BABAM2: variants seen among roughly 807,000 people sequenced by gnomAD.
BABAM2 encodes the protein BRISC and BRCA1 A complex member 2.
Under a neutral mutation model 54.7 loss-of-function variants are expected in BABAM2, and 31 were observed. That is an observed-to-expected ratio of 0.57 (90% confidence interval 0.43 to 0.77). The LOEUF (loss-of-function observed/expected upper bound fraction) is 0.77, where lower values mean the gene tolerates loss of function less well. Ranked by LOEUF, BABAM2 falls within the 30% of genes least tolerant of loss-of-function variation. The pLI is 0.00. For synonymous variants in BABAM2, 167 were observed against 162.9 expected, an observed-to-expected ratio of 1.03 and a Z score of -0.19; for missense variants, 364 against 455.8, an observed-to-expected ratio of 0.80 and a Z score of 1.83.
chr2:28,266,315 G>A (rs1684985929), intron 10 of BABAM2, among the ~76,000 whole-genome samples: 1 of 152,178 alleles, frequency 6.6e-6, no homozygotes. Flanking sequence ...TTGAAAAGTA[G>A]CATATTACAT....
chr2:28,176,052 C>A (rs1172307360), intron 7 of BABAM2, among the ~76,000 whole-genome samples: 1 of 152,164 alleles, frequency 6.6e-6, no homozygotes, highest in Non-Finnish European at 1.5e-5. Context: ...CCAACTAACA[C>A]CATACATACA....
At chr2:28,055,083 A>C (rs1433123142) in intron 6 of BABAM2, among the ~76,000 whole-genome samples, 1 of 152,236 alleles carries the variant, frequency 6.6e-6, no homozygotes, top group African/African-American at 2.4e-5. Context: ...CTGTACAGCC[A>C]TTAAAACAAT....
chr2:27,972,218 A>G (rs1671271029), intron 3 of BABAM2, among the ~76,000 whole-genome samples: 1 of 152,226 alleles, frequency 6.6e-6, no homozygotes, highest in African/African-American at 2.4e-5. Context: ...TTTAACCTGG[A>G]GAAGAGAAGA....
At chr2:28,178,925 C>T (rs1016021697) in intron 7 of BABAM2, among the ~76,000 whole-genome samples, 5 of 151,866 alleles carry the variant, frequency 3.3e-5, no homozygotes, top group African/African-American at 1.2e-4. Flanking sequence ...TACATACCTA[C>T]CAAGATTGAA....
intron 7 of BABAM2, among the ~76,000 whole-genome samples, chr2:28,218,053 A>C (rs972259378): frequency 2.6e-5 from 4 of 152,220 alleles, no homozygotes; most frequent in Admixed American, 2.0e-4. Context: ...TATTCCTTTT[A>C]CACAGATTCC....
At chr2:28,261,098 T>C (rs1239794819) in intron 10 of BABAM2, among the ~76,000 whole-genome samples, 1 of 150,210 alleles carries the variant, frequency 6.7e-6, no homozygotes, top group Non-Finnish European at 1.5e-5. Flanking sequence ...CACACCACCA[T>C]ACCCAGCCAA....
chr2:28,126,776 C>T (rs1272175672), intron 6 of BABAM2, among the ~76,000 whole-genome samples: 2 of 148,858 alleles, frequency 1.3e-5, no homozygotes, highest in African/African-American at 5.0e-5. Flanking sequence ...TAAAAGTGTT[C>T]CTATTTCTCC....
intron 3 of BABAM2, among the ~76,000 whole-genome samples, chr2:27,974,816 G>A (rs936835217): frequency 7.2e-5 from 11 of 152,064 alleles, no homozygotes; most frequent in South Asian, 2.1e-4. Flanking sequence ...CCTAATTTGC[G>A]TATAATGATT....
chr2:28,259,035 A>G (rs1684249079), intron 10 of BABAM2, among the ~76,000 whole-genome samples: 2 of 134,784 alleles, frequency 1.5e-5, no homozygotes, highest in African/African-American at 5.7e-5. Flanking sequence ...TTGGCCTCCC[A>G]AAGTGCTAGG....
In BABAM2 at chr2:28,301,543, A is replaced by G. The variant is rs185203460; in HGVS notation, c.1088+3052A>G. On this transcript the variant is annotated intron_variant, in intron 11 of 11. Transcript: ENST00000379624. ...CTCCTCCCTATTGGATGGACTTGCT[A>G]TGAGAGGCCAGCAAGTTAACACTTG... Among the ~76,000 whole-genome samples, 113 of 152,286 alleles carry G rather than the reference A, an allele frequency of 7.4e-4. 1 individual carries two copies. Among genetic ancestry groups the G allele is most frequent in the Non-Finnish European group, 1.3e-4 (9 of 68,014 alleles).
intron 7 of BABAM2, among the ~76,000 whole-genome samples, chr2:28,194,309 G>A (rs1677262177): frequency 6.6e-6 from 1 of 152,084 alleles, no homozygotes; most frequent in African/African-American, 2.4e-5. Flanking sequence ...TACTGTCTGT[G>A]GTAAGGCTTC....
At chr2:28,231,657 G>A (rs1427291049) in intron 7 of BABAM2, among the ~76,000 whole-genome samples, 1 of 151,388 alleles carries the variant, frequency 6.6e-6, no homozygotes, top group African/African-American at 2.5e-5. Flanking sequence ...CTCTGACAAC[G>A]CCTTGTCATG....
At chr2:28,128,135 G>A (rs1177899639) in intron 6 of BABAM2, among the ~76,000 whole-genome samples, 1 of 152,058 alleles carries the variant, frequency 6.6e-6, no homozygotes, top group Non-Finnish European at 1.5e-5. Context: ...TAAAGTCTAG[G>A]TGTGACCCTT....
At chr2:27,892,981 CAAAT>C (rs1489666849) in intron 1 of BABAM2, among the ~76,000 whole-genome samples, 4 of 152,116 alleles carry the variant, frequency 2.6e-5, no homozygotes, top group African/African-American at 7.2e-5. Context: ...ATCAAATTAG[CAAAT>C]AAATTTATTA....
At chr2:28,286,619 A>G (rs1686843135) in intron 10 of BABAM2, among the ~76,000 whole-genome samples, 1 of 151,922 alleles carries the variant, frequency 6.6e-6, no homozygotes, top group East Asian at 1.9e-4. Flanking sequence ...TAGTCCTCCC[A>G]CTGCCACTGC....
At chr2:27,942,791 A>ATTTATTT (rs372325714) in intron 3 of BABAM2, among the ~76,000 whole-genome samples, 3 of 141,820 alleles carry the variant, frequency 2.1e-5, no homozygotes, top group Non-Finnish European at 3.1e-5. Flanking sequence ...TTTCTTAAAA[A>ATTTATTT]ATTTATTTAT....
chr2:28,183,432 C>G (rs1675856646), intron 7 of BABAM2, among the ~76,000 whole-genome samples: 1 of 152,124 alleles, frequency 6.6e-6, no homozygotes, highest in Admixed American at 6.5e-5. Context: ...CAGAGCAAGA[C>G]TCTATCTCCA....
At chr2:28,271,057 A>G (rs1470545599) in intron 10 of BABAM2, among the ~76,000 whole-genome samples, 2 of 152,230 alleles carry the variant, frequency 1.3e-5, no homozygotes, top group Non-Finnish European at 2.9e-5. Context: ...ACAAAAGGCT[A>G]TAGCGTGTCT....
chr2:28,315,558 C>A (rs562598221), intron 11 of BABAM2, among the ~76,000 whole-genome samples: 1 of 151,622 alleles, frequency 6.6e-6, no homozygotes, highest in Non-Finnish European at 1.5e-5. Flanking sequence ...GACTTGAATT[C>A]CTGGGCTCAA....
Sources: gnomAD v4.1 joint callset for allele counts (sites outside exome capture counted in the v4.1 genomes callset) on GRCh38, gnomAD v4.1.1 for gene constraint, MANE v1.5 for transcripts, NCBI Gene and HGNC (gene_info 2026-07-23, HGNC 2026-07-21) for gene names.